Variants in KIR3DL2 observed in about 807,000 individuals in gnomAD.
The protein encoded by KIR3DL2 is killer cell immunoglobulin like receptor, three Ig domains and long cytoplasmic tail 2.
Under a neutral mutation model 41.6 loss-of-function variants are expected in KIR3DL2, and 42 were observed. That is an observed-to-expected ratio of 1.01 (90% confidence interval 0.79 to 1.31). KIR3DL2 has a LOEUF of 1.31. Among genes scored for constraint, KIR3DL2 ranks in the 50% most tolerant of loss-of-function variants. The probability of loss-of-function intolerance (pLI) is 0.00; values close to 1 mark genes in which losing one functional copy is unlikely to be tolerated. For synonymous variants in KIR3DL2, 230 were observed against 221.3 expected (o/e 1.04, Z -0.35); for missense variants, 728 against 576.8 (o/e 1.26, Z -2.68).
Position 54,855,655 on chromosome 19 carries a change from G to T in KIR3DL2, c.692G>T (p.Gly231Val). 1 of 1,613,488 alleles carries T rather than the reference G, an allele frequency of 6.2e-7. No homozygotes were observed. Among genetic ancestry groups the T allele is most frequent in the East Asian group, 2.2e-5 (1 of 44,880 alleles). The change falls in exon 5 of 9, where the codon GGC (glycine) becomes GTC (valine). Residue 231 changes from glycine to valine, a missense_variant. Coordinates refer to ENST00000326321, the MANE Select transcript of KIR3DL2 (RefSeq NM_006737.4). ...YEKPSLSAQP[G>V]PTVQAGENVT... ...AAACCTTCTCTCTCAGCCCAGCCGGGCCCCACGGTTCAGGCAGGAGAGAAC... is the reference window on the plus strand; with the variant it reads ...AAACCTTCTCTCTCAGCCCAGCCGGTCCCCACGGTTCAGGCAGGAGAGAAC...
intron 1 of KIR3DL2, among the ~76,000 whole-genome samples, chr19:54,850,887 G>A (rs1240783264): frequency 1.0e-4 from 15 of 146,216 alleles, no homozygotes; most frequent in African/African-American, 3.9e-4. Flanking sequence ...TGGAGATATG[G>A]GCCTAGAGGG....
Position 54,850,480 on chromosome 19 carries a change from C to A in KIR3DL2, c.5C>A (p.Ser2Ter). The change falls in exon 1 of 9, where the codon TCG becomes TAG. Residue 2 changes from serine to a stop codon, truncating the protein, a stop_gained. Coordinates refer to ENST00000326321, the MANE Select transcript of KIR3DL2 (RefSeq NM_006737.4). LOFTEE classifies it high-confidence loss of function. ...CCTGTCTGCACCGGCAGCACCATGT[C>A]GCTCACGGTCGTCAGCATGGCGTGC... M[S>*]LTVVSMACVG... 1 of 1,608,146 alleles carries A rather than the reference C, an allele frequency of 6.2e-7. No homozygotes were observed. Among genetic ancestry groups the A allele is most frequent in the Non-Finnish European group, 8.5e-7 (1 of 1,179,782 alleles).
chr19:54,865,426 C>T (rs946620117), intron 6 of KIR3DL2, among the ~76,000 whole-genome samples: 11 of 151,994 alleles, frequency 7.2e-5, no homozygotes, highest in Non-Finnish European at 1.0e-4. Flanking sequence ...TAACAACCAG[C>T]CCTCCGGGAA....
At chr19:54,852,837 T>C (rs1280207530) in intron 3 of KIR3DL2, among the ~76,000 whole-genome samples, 1 of 150,912 alleles carries the variant, frequency 6.6e-6, no homozygotes, top group Non-Finnish European at 1.5e-5. Context: ...CCAATTTCTG[T>C]CCCCAGAAGT....
chr19:54,851,239 G>A lies in KIR3DL2; in HGVS notation c.54G>A (p.Gly18=), dbSNP rs1569518701. The A allele has an allele frequency of 6.2e-7, 1 of 1,610,072 alleles. No homozygotes were observed. The change falls in exon 2 of 9, where the codon GGG becomes GGA. Residue 18 remains glycine, a synonymous_variant. Coordinates refer to ENST00000326321, the MANE Select transcript of KIR3DL2 (RefSeq NM_006737.4). The part of the protein sequence containing the change: ...MACVGFFLLQ[G]AWPLMGGQDK... ...TTCCAGGGTTCTTCTTGCTGCAGGG[G>A]GCCTGGCCACTCATGGGTGAGTCCG...
chr19:54,854,724 G>T (rs1449051648), intron 4 of KIR3DL2, among the ~76,000 whole-genome samples: 1 of 151,788 alleles, frequency 6.6e-6, no homozygotes, highest in Non-Finnish European at 1.5e-5. Flanking sequence ...AGAGGAAGGG[G>T]ATTGAGAGAC....
At chr19:54,853,168 G>A (rs201753537) in intron 3 of KIR3DL2, among the ~76,000 whole-genome samples, 3,322 of 119,252 alleles carry the variant, frequency 0.028, no homozygotes, top group South Asian at 0.071. Flanking sequence ...GGCTACCGTG[G>A]GATCAGCAAG....
intron 5 of KIR3DL2, among the ~76,000 whole-genome samples, chr19:54,858,878 G>A (rs2145660893): frequency 6.6e-6 from 1 of 152,010 alleles, no homozygotes; most frequent in East Asian, 1.9e-4. Context: ...CAGGTAGTGT[G>A]ATGCTCCTGT....
At position 54,866,932 on chromosome 19, in the gene KIR3DL2, A is replaced by G; in HGVS notation, c.*201A>G. ...ACACTCCTTTGCTTAGCCCACAAGTATCTATTTCACTTGACCCCTGCCCAC... is the reference window on the plus strand; with the variant it reads ...ACACTCCTTTGCTTAGCCCACAAGTGTCTATTTCACTTGACCCCTGCCCAC... On this transcript the variant is annotated 3_prime_UTR_variant, in exon 9 of 9. Coordinates refer to ENST00000326321, the MANE Select transcript of KIR3DL2 (RefSeq NM_006737.4). 1.6e-6 allele frequency: 1 copy of G among 631,748 alleles called. No homozygotes were observed. Among genetic ancestry groups the G allele is most frequent in the Non-Finnish European group, 2.7e-6 (1 of 377,118 alleles). The allele number at this position is 631,748 out of a possible 1,614,324, so 39.1% of individuals were successfully genotyped here.
In KIR3DL2 at chr19:54,859,062, C is replaced by G. The variant is rs1268522589; in HGVS notation, c.950-17C>G. The G allele has an allele frequency of 5.3e-5, 85 of 1,613,532 alleles. 1 individual carries two copies. The South Asian group carries it at 5.8e-4, about 11-fold the overall frequency. On this transcript the variant is annotated splice_polypyrimidine_tract_variant and intron_variant, in intron 5 of 8. Transcript: ENST00000326321. Reference sequence around the variant, plus strand: ...AGCACCCTCATTTCCTCACATCTCTCCTGTCCCGTGTTCTAGGAAACCCTT... The same window carrying G: ...AGCACCCTCATTTCCTCACATCTCTGCTGTCCCGTGTTCTAGGAAACCCTT...
At chr19:54,856,083 G>T (rs1287909839) in intron 5 of KIR3DL2, among the ~76,000 whole-genome samples, 171 bp downstream of exon 5, 4 of 151,014 alleles carry the variant, frequency 2.6e-5, no homozygotes, top group Non-Finnish European at 1.5e-5. Context: ...AAACCCTCTT[G>T]CATGGCCTGC....
intron 5 of KIR3DL2, among the ~76,000 whole-genome samples, chr19:54,857,351 A>T (rs2064863889): frequency 6.6e-6 from 1 of 151,408 alleles, no homozygotes; most frequent in African/African-American, 2.4e-5. Flanking sequence ...TCGGTTTCCC[A>T]AAGTGCTGAA....
chr19:54,852,751 G>C (rs2064389433), intron 3 of KIR3DL2, among the ~76,000 whole-genome samples: 1 of 150,528 alleles, frequency 6.6e-6, no homozygotes, highest in African/African-American at 2.5e-5. Flanking sequence ...GAGAAGTCAA[G>C]AGAACTGATT....
At chr19:54,861,730 A>G (rs1291044314) in intron 6 of KIR3DL2, among the ~76,000 whole-genome samples, 10 of 151,354 alleles carry the variant, frequency 6.6e-5, no homozygotes, top group Non-Finnish European at 1.5e-4. Flanking sequence ...TCATTTTTCT[A>G]TTCCTCTATA....
Position 54,859,147 on chromosome 19 carries a change from C to T in KIR3DL2, c.1000+18C>T. The T allele has an allele frequency of 1.2e-6, 2 of 1,606,614 alleles. No individual in the cohort carries two copies. Among genetic ancestry groups the T allele is most frequent in the South Asian group, 2.2e-5 (2 of 90,886 alleles). On this transcript the variant is annotated intron_variant, in intron 6 of 8. Transcript: ENST00000326321. Reference sequence around the variant, plus strand: ...CAAATCTGGTGAGTAAAGGACCCCTCTTATCTCTGCTTTTGGAAACCTGGG... The same window carrying T: ...CAAATCTGGTGAGTAAAGGACCCCTTTTATCTCTGCTTTTGGAAACCTGGG...
intron 7 of KIR3DL2, 52 bp from the exon 8 acceptor site, chr19:54,866,318 G>A: frequency 6.2e-7 from 1 of 1,602,828 alleles, no homozygotes; most frequent in African/African-American, 1.3e-5. Context: ...CCCATGAAAT[G>A]AGGACCCAGA....
chr19:54,858,948 A>G (rs2064986633), intron 5 of KIR3DL2, 131 bp from the exon 6 acceptor site: 1 of 1,029,266 alleles, frequency 9.7e-7, no homozygotes, highest in Admixed American at 1.9e-5. Flanking sequence ...ATTATGGAGA[A>G]AAGGATCCCA....
intron 6 of KIR3DL2, among the ~76,000 whole-genome samples, chr19:54,864,280 T>G (rs1273214332): frequency 6.6e-6 from 1 of 152,148 alleles, no homozygotes; most frequent in Admixed American, 6.5e-5. Context: ...TAGTTTGAAG[T>G]CAGGCAGCAT....
At chr19:54,854,165 G>C in intron 4 of KIR3DL2, 119 bp downstream of exon 4, 1 of 1,255,920 alleles carries the variant, frequency 8.0e-7, no homozygotes. Flanking sequence ...GAGAGAGACT[G>C]ACTCGGTGAG....
Sources: gnomAD v4.1 joint callset for allele counts (sites outside exome capture counted in the v4.1 genomes callset) on GRCh38, gnomAD v4.1.1 for gene constraint, MANE v1.5 for transcripts, NCBI Gene and HGNC (gene_info 2026-07-23, HGNC 2026-07-21) for gene names.